The following ITPR1 variants were observed in gnomAD, a reference collection of about 807,000 sequenced individuals.
ITPR1 encodes inositol 1,4,5-trisphosphate-gated calcium channel ITPR1.
A neutral mutation model predicts 318.4 loss-of-function variants in ITPR1; 96 were observed. The ratio of observed to expected loss-of-function variants is 0.30; its 90% CI spans 0.26 to 0.36. The LOEUF is 0.36. Among genes scored for constraint, ITPR1 ranks in the 10% least tolerant of loss-of-function variants. The pLI is 1.00. For missense variants in ITPR1, 2,440 were observed against 3,460.2 expected, an observed-to-expected ratio of 0.71 and a Z score of 7.40; for synonymous variants, 1,312 against 1,289.9, an observed-to-expected ratio of 1.02 and a Z score of -0.37.
At chr3:4,648,734 C>T (rs544467413) in intron 10 of ITPR1, among the ~76,000 whole-genome samples, 3 of 152,272 alleles carry the variant, frequency 2.0e-5, no homozygotes, top group South Asian at 2.1e-4. Context: ...CACTTGAACC[C>T]GGGAGGCGGA....
chr3:4,542,685 G>GT (rs1553616569), intron 4 of ITPR1, among the ~76,000 whole-genome samples: 6 of 14,304 alleles, frequency 4.2e-4, no homozygotes, highest in Non-Finnish European at 1.9e-3. Flanking sequence ...GTGTGTGGCG[G>GT]GGGGGTGGGT....
chr3:4,531,102 C>A (rs944696720), intron 4 of ITPR1, among the ~76,000 whole-genome samples: 1 of 152,090 alleles, frequency 6.6e-6, no homozygotes, highest in Non-Finnish European at 1.5e-5. Context: ...CACCCTGAAC[C>A]CACAGAGGGT....
intron 4 of ITPR1, among the ~76,000 whole-genome samples, chr3:4,523,101 GA>G (rs888959328): frequency 1.3e-5 from 2 of 152,202 alleles, no homozygotes; most frequent in African/African-American, 4.8e-5. Context: ...GTTATTCAGG[GA>G]AGAGCTGATC....
chr3:4,672,651 C>T (rs1484745875), intron 20 of ITPR1, among the ~76,000 whole-genome samples: 2 of 152,152 alleles, frequency 1.3e-5, no homozygotes, highest in Non-Finnish European at 2.9e-5. Flanking sequence ...TGTTTTTTTA[C>T]ACGTGTAGGA....
Position 4,766,955 on chromosome 3 carries a change from G to A in ITPR1, c.5725+245G>A, listed in dbSNP as rs542458415. 4.1e-4 allele frequency among the ~76,000 whole-genome samples: 63 copies of A among 152,324 alleles called. 1 individual carries two copies. The highest frequency in any genetic ancestry group is 1.5e-3 in the African/African-American group (61 of 41,568). Reference sequence around the variant, plus strand: ...GTCGAGCTTAGGGTTTTATTGGCAAGGGATCCATGAATAATCTTTTCCTGT... The same window carrying A: ...GTCGAGCTTAGGGTTTTATTGGCAAAGGATCCATGAATAATCTTTTCCTGT... On this transcript the variant is annotated intron_variant, in intron 45 of 61. Transcript: ENST00000649015.
chr3:4,558,331 G>A (rs1420130194), intron 4 of ITPR1, among the ~76,000 whole-genome samples: 1 of 152,160 alleles, frequency 6.6e-6, no homozygotes, highest in Non-Finnish European at 1.5e-5. Flanking sequence ...AAATTGAAAT[G>A]TATTCATATT....
chr3:4,815,606 G>A (rs2049241147), intron 59 of ITPR1, among the ~76,000 whole-genome samples: 1 of 152,062 alleles, frequency 6.6e-6, no homozygotes, highest in African/African-American at 2.4e-5. Context: ...CACACTATAG[G>A]CACGGGAGGA....
intron 3 of ITPR1, 113 bp downstream of exon 3, chr3:4,516,696 G>A: frequency 1.4e-6 from 1 of 725,950 alleles, no homozygotes; most frequent in Non-Finnish European, 2.4e-6. Context: ...GGCTTTCTAA[G>A]TGCGGTTGAA....
chr3:4,613,584 A>C (rs911072978), intron 4 of ITPR1, among the ~76,000 whole-genome samples: 1 of 152,038 alleles, frequency 6.6e-6, no homozygotes, highest in African/African-American at 2.4e-5. Context: ...CGGTGATGTC[A>C]TCTCTCTCTC....
intron 61 of ITPR1, among the ~76,000 whole-genome samples, chr3:4,845,539 C>T (rs567848920): frequency 1.3e-5 from 2 of 152,326 alleles, no homozygotes; most frequent in Admixed American, 6.5e-5. Flanking sequence ...TCAGTGTCTA[C>T]TGGGTGGCAA....
intron 4 of ITPR1, among the ~76,000 whole-genome samples, chr3:4,549,488 C>T (rs970263885): frequency 1.7e-4 from 26 of 150,016 alleles, no homozygotes; most frequent in South Asian, 4.2e-4. Flanking sequence ...ACCCCTCCCT[C>T]CCTCCCTCTC....
intron 4 of ITPR1, among the ~76,000 whole-genome samples, chr3:4,609,296 T>G (rs1249604413): frequency 6.6e-6 from 1 of 151,512 alleles, no homozygotes; most frequent in Admixed American, 6.6e-5. Context: ...GGCAGATATT[T>G]GGACTGAAAA....
At chr3:4,603,918 A>C (rs1287223977) in intron 4 of ITPR1, among the ~76,000 whole-genome samples, 1 of 152,132 alleles carries the variant, frequency 6.6e-6, no homozygotes, top group Non-Finnish European at 1.5e-5. Context: ...AAATCTCCAA[A>C]CTGCTGAACT....
At chr3:4,606,458 G>T (rs565616708) in intron 4 of ITPR1, among the ~76,000 whole-genome samples, 1 of 152,236 alleles carries the variant, frequency 6.6e-6, no homozygotes, top group East Asian at 1.9e-4. Context: ...TTAAGGTGAT[G>T]CCTGGAAGGA....
chr3:4,636,921 C>A (rs1405660409), intron 5 of ITPR1, among the ~76,000 whole-genome samples: 1 of 152,188 alleles, frequency 6.6e-6, no homozygotes, highest in Non-Finnish European at 1.5e-5. Context: ...TCTAGATGAA[C>A]CAGTAACCAT....
intron 24 of ITPR1, among the ~76,000 whole-genome samples, chr3:4,677,422 G>A (rs568686497): frequency 1.3e-5 from 2 of 152,334 alleles, no homozygotes; most frequent in East Asian, 3.9e-4. Context: ...TGTGTTTGGT[G>A]AGGTTATCAG....
At chr3:4,596,293 A>G (rs989237090) in intron 4 of ITPR1, 6 of 152,214 alleles carry the variant, frequency 3.9e-5, no homozygotes, top group African/African-American at 1.2e-4. Flanking sequence ...GCTTTTTACC[A>G]TAAGATAAAC....
At chr3:4,610,902 C>CCCTTCT (rs1039373226) in intron 4 of ITPR1, among the ~76,000 whole-genome samples, 1 of 111,430 alleles carries the variant, frequency 9.0e-6, no homozygotes, top group African/African-American at 3.6e-5. Context: ...CCCCTTCCCC[C>CCCTTCT]CCTTCTCCTT....
chr3:4,495,537 T>C lies in ITPR1; in HGVS notation c.-17+1031T>C, dbSNP rs1185964052. Among the ~76,000 whole-genome samples, 5 of 152,340 alleles carry C rather than the reference T, an allele frequency of 3.3e-5. No individual in the cohort carries two copies. In the South Asian group the frequency reaches 8.3e-4, roughly 25 times the overall value. On this transcript the variant is annotated intron_variant, in intron 2 of 61. Transcript: ENST00000649015. ...CTGTTGACTCACATGGCTGTGTGGG[T>C]GCTCATAGAGCCAAGGATTAGGCCC... is the stretch of plus-strand genomic sequence containing the variant.
Sources: allele counts gnomAD v4.1 joint callset (sites outside exome capture counted in the v4.1 genomes callset), GRCh38; gene constraint gnomAD v4.1.1; transcripts MANE v1.5; gene names NCBI Gene and HGNC (gene_info 2026-07-23, HGNC 2026-07-21).